The following PCDHGB1 variants were observed in gnomAD, a reference collection of about 807,000 sequenced individuals.
The protein encoded by PCDHGB1 is protocadherin gamma subfamily B, 1, also known as protocadherin gamma-B1.
PCDHGB1 carries 34 observed loss-of-function variants against 56.6 expected under a neutral mutation model. That is an observed-to-expected ratio of 0.60 (90% CI 0.46 to 0.80). The LOEUF (loss-of-function observed/expected upper bound fraction) is 0.80, where lower values mean the gene tolerates loss of function less well. Among genes scored for constraint, PCDHGB1 ranks in the 30% least tolerant of loss-of-function variants. The probability of loss-of-function intolerance (pLI) is 0.00; values close to 1 mark genes in which losing one functional copy is unlikely to be tolerated. For synonymous variants in PCDHGB1, 561 were observed against 505.9 expected, an observed-to-expected ratio of 1.11 and a Z score of -1.46; for missense variants, 1,278 against 1,204.6, an observed-to-expected ratio of 1.06 and a Z score of -0.90.
intron 1 of PCDHGB1, among the ~76,000 whole-genome samples, chr5:141,402,286 C>T (rs2094248272): frequency 6.6e-6 from 1 of 151,638 alleles, no homozygotes; most frequent in Non-Finnish European, 1.5e-5. Flanking sequence ...ATAATCTATC[C>T]TTATATATGT....
intron 1 of PCDHGB1, chr5:141,364,395 C>T (rs1330798978): frequency 1.9e-6 from 3 of 1,603,432 alleles, no homozygotes; most frequent in Admixed American, 1.7e-5. Flanking sequence ...CTCCTGGGGA[C>T]GCTGTGCGAG....
chr5:141,393,927 C>T, intron 1 of PCDHGB1: 2 of 1,613,970 alleles, frequency 1.2e-6, no homozygotes, highest in South Asian at 1.1e-5. Context: ...CTTGAGTGTG[C>T]ATGACCAAGA....
chr5:141,370,833 C>G (rs1305609320), intron 1 of PCDHGB1: 2 of 1,614,064 alleles, frequency 1.2e-6, no homozygotes. Context: ...CGAACTGGCT[C>G]TCACTGGAGC....
intron 1 of PCDHGB1, among the ~76,000 whole-genome samples, chr5:141,461,805 C>T (rs773854105): frequency 4.6e-5 from 7 of 151,854 alleles, no homozygotes; most frequent in Non-Finnish European, 8.8e-5. Flanking sequence ...AGGTGCCCAC[C>T]ACCACACCCA....
intron 1 of PCDHGB1, among the ~76,000 whole-genome samples, chr5:141,482,089 CA>C (rs36035257): frequency 0.43 from 58,297 of 134,322 alleles, 12,050 homozygotes; most frequent in African/African-American, 0.53. Context: ...CACTCCATCT[CA>C]AAAAAAAAAA....
intron 1 of PCDHGB1, chr5:141,398,682 A>G (rs767093587): frequency 1.4e-5 from 23 of 1,613,842 alleles, no homozygotes; most frequent in Non-Finnish European, 1.9e-5. Flanking sequence ...TTAAGGAGAA[A>G]CAGGATGGTA....
intron 1 of PCDHGB1, among the ~76,000 whole-genome samples, chr5:141,387,190 T>C (rs2090856336): frequency 1.3e-5 from 2 of 152,124 alleles, no homozygotes; most frequent in African/African-American, 2.4e-5. Context: ...AAAAGGCAAT[T>C]TTGGTATTAC....
At chr5:141,361,447 G>T (rs942275534) in intron 1 of PCDHGB1, 3 of 1,613,998 alleles carry the variant, frequency 1.9e-6, no homozygotes, top group African/African-American at 2.7e-5. Flanking sequence ...CAGCATAATT[G>T]TCACCCTGCA....
chr5:141,511,403 A>C lies in PCDHGB1; in HGVS notation c.*230A>C. On this transcript the variant is annotated 3_prime_UTR_variant, in exon 4 of 4. Coordinates refer to ENST00000523390, the MANE Select transcript of PCDHGB1 (RefSeq NM_018922.3). Reference sequence around the variant, plus strand: ...TCCGCTGGGAACCCCCATCCAATCAACTGCTGTACCCATGGGGGTAGTGGG... The same window carrying C: ...TCCGCTGGGAACCCCCATCCAATCACCTGCTGTACCCATGGGGGTAGTGGG... 8.5e-6 allele frequency: 8 copies of C among 939,018 alleles called. No individual in the cohort carries two copies. The highest frequency in any genetic ancestry group is 1.2e-5 in the Non-Finnish European group (8 of 650,834). The allele number at this position is 939,018 out of a possible 1,614,324, so 58.2% of individuals were successfully genotyped here. A position where few individuals can be genotyped will look rare whatever the true frequency, so the allele number is the denominator to read the frequency against.
intron 1 of PCDHGB1, chr5:141,441,516 C>T (rs1034274864): frequency 4.0e-5 from 7 of 173,082 alleles, no homozygotes; most frequent in Non-Finnish European, 8.7e-5. Flanking sequence ...ACGTCGTCCA[C>T]GTGGCCAAGA....
chr5:141,378,320 CGA>C (rs1285013125), intron 1 of PCDHGB1: 1 of 152,164 alleles, frequency 6.6e-6, no homozygotes, highest in Admixed American at 6.5e-5. Flanking sequence ...GTCAGGAGTT[CGA>C]GACCAGCCTG....
chr5:141,499,138 G>A (rs765607930), intron 2 of PCDHGB1, among the ~76,000 whole-genome samples: 12 of 152,144 alleles, frequency 7.9e-5, no homozygotes, highest in Non-Finnish European at 1.5e-4. Flanking sequence ...TCCTTTGGGT[G>A]TCTGATCCCA....
intron 1 of PCDHGB1, chr5:141,394,054 AT>A: frequency 6.2e-7 from 1 of 1,613,802 alleles, no homozygotes; most frequent in Non-Finnish European, 8.5e-7. Flanking sequence ...GACCGAGAAA[AT>A]GTCTCTATCT....
At chr5:141,505,564 G>GGATGTCAAACCTGTGTAGTTTCTCCA in intron 3 of PCDHGB1, 83 bp downstream of exon 3, 1 of 1,603,196 alleles carries the variant, frequency 6.2e-7, no homozygotes, top group Non-Finnish European at 8.5e-7. Context: ...CCCACGGACT[G>GGATGTCAAACCTGTGTAGTTTCTCCA]GATGTCAAAC....
At chr5:141,415,740 G>GTTTTTTTTTTTTTTTGT (rs2095912649) in intron 1 of PCDHGB1, 1 of 515,998 alleles carries the variant, frequency 1.9e-6, no homozygotes, top group Non-Finnish European at 2.6e-6. Flanking sequence ...GTTTATTAAG[G>GTTTTTTTTTTTTTTTGT]TTTTTTTTTT....
In PCDHGB1 at chr5:141,431,538, AGCTGCTTGTAGTCAAC is replaced by A; in HGVS notation, c.2410-63265_2410-63250del. 2 of 1,614,114 alleles carry A rather than the reference AGCTGCTTGTAGTCAAC, an allele frequency of 1.2e-6. No homozygotes were observed. Among genetic ancestry groups the A allele is most frequent in the Non-Finnish European group, 1.7e-6 (2 of 1,180,024 alleles). ...CCGGAGAATCTGGCCTTGGGCACGC[AGCTGCTTGTAGTCAAC>A]GCTACCGACCCTGACGAAGGAGTCA... On this transcript the variant is annotated intron_variant, in intron 1 of 3. Coordinates refer to ENST00000523390, the MANE Select transcript of PCDHGB1 (RefSeq NM_018922.3). This position sits in a 1 kb window ranked among gnomAD's most constrained non-coding sequence, Gnocchi z 4.8.
In PCDHGB1 at chr5:141,487,414, T is replaced by C; in HGVS notation, c.2410-7393T>C. On this transcript the variant is annotated intron_variant, in intron 1 of 3. Coordinates refer to ENST00000523390, the MANE Select transcript of PCDHGB1 (RefSeq NM_018922.3). This position sits in a 1 kb window ranked among gnomAD's most constrained non-coding sequence, Gnocchi z 5.0. The stretch of plus-strand genomic sequence containing the variant: ...GGAGGGAGGGGCTTCCCCCTTCCAA[T>C]GGGATCCTCCGAATCCAGCTAGGGT... 3.7e-6 allele frequency: 6 copies of C among 1,614,174 alleles called. No individual in the cohort carries two copies. The highest frequency in any genetic ancestry group is 5.1e-6 in the Non-Finnish European group (6 of 1,180,006).
chr5:141,387,829 G>T, intron 1 of PCDHGB1: 2 of 1,591,770 alleles, frequency 1.3e-6, no homozygotes, highest in South Asian at 2.3e-5. Flanking sequence ...CAATACAGAG[G>T]TTATTTGTAA....
Position 141,362,300 on chromosome 5 carries a change from A to G in PCDHGB1, c.2409+9631A>G, listed in dbSNP as rs1411423412. 3 of 1,613,936 alleles carry G rather than the reference A, an allele frequency of 1.9e-6. No individual in the cohort carries two copies. In the East Asian group the frequency reaches 6.7e-5, roughly 36 times the overall value. The stretch of plus-strand genomic sequence containing the variant: ...CGCCTGCGACTCTCTTCCAGGTCAG[A>G]TGCTTGGGACTGTTTTCAGCCTGGT... On this transcript the variant is annotated intron_variant, in intron 1 of 3. Transcript: ENST00000523390.
Sources: gnomAD v4.1 joint callset for allele counts (sites outside exome capture counted in the v4.1 genomes callset) on GRCh38, gnomAD v4.1.1 for gene constraint, Gnocchi (gnomAD v3.1) non-coding constraint, MANE v1.5 for transcripts, NCBI Gene and HGNC (gene_info 2026-07-23, HGNC 2026-07-21) for gene names.